USP40: variants seen among roughly 807,000 people sequenced by gnomAD.
USP40 encodes ubiquitin carboxyl-terminal hydrolase 40.
A neutral mutation model predicts 166.2 loss-of-function variants in USP40; 143 were observed. The ratio of observed to expected loss-of-function variants is 0.86; its 90% CI spans 0.75 to 0.99. The LOEUF (loss-of-function observed/expected upper bound fraction) is 0.99. Ranked by LOEUF, USP40 falls within the 50% of genes least tolerant of loss-of-function variation. The pLI is 0.00. For missense variants in USP40, 1,444 were observed against 1,479.7 expected (o/e 0.98, Z 0.40); for synonymous variants, 498 against 524.0 (o/e 0.95, Z 0.68).
In USP40 at chr2:233,489,708, G is replaced by T. The variant is rs992939563; in HGVS notation, c.3013-225C>A. 23 of 461,966 alleles carry T rather than the reference G, an allele frequency of 5.0e-5. No individual in the cohort carries two copies. The South Asian group carries it at 7.8e-4, about 16-fold the overall frequency. The allele number at this position is 461,966 out of a possible 1,614,324, so 28.6% of individuals were successfully genotyped here. A position where few individuals can be genotyped will look rare whatever the true frequency, so the allele number is the denominator to read the frequency against. ...TCTGCACTGAAATCACCTTGAGAAA[G>T]AAGTGAGTTCCCTCTCTCTAAATCT... On this transcript the variant is annotated intron_variant, in intron 26 of 31. Transcript: ENST00000678225.
intron 31 of USP40, 59 bp from the exon 32 acceptor site, chr2:233,477,562 G>T (rs1408989805): frequency 7.6e-6 from 11 of 1,450,984 alleles, no homozygotes; most frequent in South Asian, 2.3e-5. Flanking sequence ...AGGGTGAGGG[G>T]TTCACGAAGA....
intron 25 of USP40, among the ~76,000 whole-genome samples, chr2:233,492,243 T>G (rs2065393389): frequency 6.6e-6 from 1 of 152,232 alleles, no homozygotes; most frequent in African/African-American, 2.4e-5. Context: ...GTCTGTAGCC[T>G]ATGAGCAAGA....
At chr2:233,552,658 T>C (rs1261993630) in intron 6 of USP40, among the ~76,000 whole-genome samples, 1 of 152,144 alleles carries the variant, frequency 6.6e-6, no homozygotes. Context: ...ATGATAAACC[T>C]CTCTCTTTGG....
chr2:233,538,115 T>C (rs1399113385), intron 10 of USP40, among the ~76,000 whole-genome samples: 1 of 152,072 alleles, frequency 6.6e-6, no homozygotes, highest in Non-Finnish European at 1.5e-5. Context: ...AATTTATATA[T>C]AGTGTAATCG....
chr2:233,478,833 T>G (rs1226618571), intron 31 of USP40, among the ~76,000 whole-genome samples: 1 of 152,078 alleles, frequency 6.6e-6, no homozygotes, highest in Non-Finnish European at 1.5e-5. Context: ...AAGGAAAGCT[T>G]CTCTGCCCCT....
At chr2:233,535,268 G>A (rs556021682) in intron 10 of USP40, among the ~76,000 whole-genome samples, 1 of 152,308 alleles carries the variant, frequency 6.6e-6, no homozygotes, top group Admixed American at 6.5e-5. Context: ...CAATATCTGA[G>A]CAGGGCTGCC....
intron 28 of USP40, among the ~76,000 whole-genome samples, chr2:233,487,124 A>G (rs961470213): frequency 1.3e-5 from 2 of 152,240 alleles, no homozygotes; most frequent in African/African-American, 4.8e-5. Context: ...TCAAAATCAT[A>G]AAGAGCTCAC....
chr2:233,493,552 C>A lies in USP40; in HGVS notation c.2791-1G>T. The A allele has an allele frequency of 6.2e-7, 1 of 1,610,746 alleles. No homozygotes were observed. The highest frequency in any genetic ancestry group is 1.1e-5 in the South Asian group (1 of 90,484). ...ACCAGATGGGCACCTTCAGGAAACC[C>A]TGAAGAATGGAGCATGTTTAACTGC... is the stretch of plus-strand genomic sequence containing the variant. On this transcript the variant is annotated splice_acceptor_variant, in intron 24 of 31. Coordinates refer to ENST00000678225, the MANE Select transcript of USP40 (RefSeq NM_001365479.2). LOFTEE classifies it high-confidence loss of function. This position sits in a 1 kb window ranked among gnomAD's most constrained non-coding sequence, Gnocchi z 4.7.
At chr2:233,523,579 C>T in intron 15 of USP40, 90 bp from the exon 16 acceptor site, 3 of 1,219,286 alleles carry the variant, frequency 2.5e-6, no homozygotes, top group Non-Finnish European at 3.3e-6. Flanking sequence ...TAGAGAACAA[C>T]CCTCATTTTT....
At chr2:233,517,689 C>T (rs2067325077) in intron 18 of USP40, among the ~76,000 whole-genome samples, 1 of 152,082 alleles carries the variant, frequency 6.6e-6, no homozygotes, top group Non-Finnish European at 1.5e-5. Context: ...GCCCGGCCTG[C>T]ACATGCATGT....
chr2:233,502,109 T>A (rs2066111099), intron 21 of USP40, among the ~76,000 whole-genome samples: 1 of 152,198 alleles, frequency 6.6e-6, no homozygotes, highest in Admixed American at 6.5e-5. Flanking sequence ...CTAATGACCC[T>A]GACATAAGCT....
chr2:233,511,556 C>A (rs1424023085), intron 20 of USP40, among the ~76,000 whole-genome samples, 153 bp downstream of exon 20: 5 of 152,114 alleles, frequency 3.3e-5, no homozygotes, highest in African/African-American at 7.2e-5. Context: ...ATTTAAACAT[C>A]TAGAACTATA....
intron 2 of USP40, 50 bp downstream of exon 2, chr2:233,565,305 TG>T: frequency 7.5e-7 from 1 of 1,334,088 alleles, no homozygotes; most frequent in Non-Finnish European, 1.0e-6. Flanking sequence ...ATTAATTACA[TG>T]TAAAGAAGAT....
intron 3 of USP40, 67 bp from the exon 4 acceptor site, chr2:233,559,991 C>T (rs1006904602): frequency 1.8e-6 from 2 of 1,124,820 alleles, no homozygotes; most frequent in African/African-American, 1.6e-5. Context: ...TTGAAAACAA[C>T]TGCATACTAG....
chr2:233,565,449 C>A lies in USP40; in HGVS notation c.106G>T (p.Glu36Ter). ...TKALEPPAPR[E>*]FTNLSGIRNQ... ...CTGATTCCGCTTAAATTGGTGAATT[C>A]TCTAGGAGCAGGTGGCTCCAAAGCT... Residue 36 changes from glutamate (E) to a stop codon, truncating the protein, a stop_gained, in exon 2 of 32, where the codon GAA becomes TAA. Transcript: ENST00000678225. LOFTEE classifies it high-confidence loss of function. The A allele has an allele frequency of 1.3e-6, 2 of 1,537,254 alleles. No homozygotes were observed. The highest frequency in any genetic ancestry group is 1.7e-6 in the Non-Finnish European group (2 of 1,146,870).
intron 3 of USP40, chr2:233,560,962 T>C (rs1303173087): frequency 1.2e-5 from 9 of 722,562 alleles, no homozygotes; most frequent in South Asian, 3.0e-5. Flanking sequence ...AGTAGCAGTA[T>C]TGTACTTGGA....
At chr2:233,563,906 C>A (rs747680077) in intron 2 of USP40, among the ~76,000 whole-genome samples, 2 of 152,058 alleles carry the variant, frequency 1.3e-5, no homozygotes, top group Non-Finnish European at 2.9e-5. Flanking sequence ...CATGACCCGC[C>A]CTACACTTCA....
chr2:233,549,645 C>CT (rs58888838), intron 7 of USP40, among the ~76,000 whole-genome samples: 121,066 of 151,656 alleles, frequency 0.8, 48,510 homozygotes, highest in East Asian at 0.99. Flanking sequence ...AATGCATCCC[C>CT]TTTTTTTATT....
chr2:233,519,571 A>G (rs1422052400), intron 18 of USP40, 43 bp downstream of exon 18: 1 of 1,341,494 alleles, frequency 7.5e-7, no homozygotes, highest in Admixed American at 2.2e-5. Context: ...CAAGACCAAA[A>G]TTAAGCTAAA....
Sources: gnomAD v4.1 joint callset for allele counts (sites outside exome capture counted in the v4.1 genomes callset) on GRCh38, gnomAD v4.1.1 for gene constraint, Gnocchi (gnomAD v3.1) non-coding constraint, MANE v1.5 for transcripts, NCBI Gene and HGNC (gene_info 2026-07-23, HGNC 2026-07-21) for gene names.